Variants in ACACA observed in about 807,000 individuals in gnomAD.
The protein encoded by ACACA is acetyl-CoA carboxylase 1.
In ACACA, 103 loss-of-function variants were observed where a neutral mutation model predicts 296.1. That is an observed-to-expected ratio of 0.35 (90% CI 0.30 to 0.41). The LOEUF is 0.41. Among genes scored for constraint, ACACA ranks in the 10% least tolerant of loss-of-function variants. The pLI is 1.00. For missense variants in ACACA, 1,554 were observed against 2,989.7 expected, an observed-to-expected ratio of 0.52 and a Z score of 11.20; for synonymous variants, 953 against 1,038.6, an observed-to-expected ratio of 0.92 and a Z score of 1.58.
intron 1 of ACACA, among the ~76,000 whole-genome samples, chr17:37,377,006 C>A (rs1486045064): frequency 1.3e-5 from 2 of 151,828 alleles, no homozygotes; most frequent in African/African-American, 4.8e-5. Flanking sequence ...AGAATTAAGA[C>A]CAAATGGCAC....
In ACACA at chr17:37,243,554, T is replaced by A. The variant is rs1050474093; in HGVS notation, c.2748A>T (p.Lys916Asn). 1.2e-6 allele frequency: 2 copies of A among 1,613,776 alleles called. 1 individual carries two copies. Among genetic ancestry groups the A allele is most frequent in the South Asian group, 2.2e-5 (2 of 91,070 alleles). ...TTTTCATCAATCGCTCTACCCAGTC[T>A]TTTACCTAGAAAGAAAGCATTGGTA... ...LPDPFFSSKV[K>N]DWVERLMKTL... Residue 916 changes from lysine (K) to asparagine (N), a missense_variant, in exon 22 of 56, where the codon AAA (lysine) becomes AAT (asparagine). Lys to Asn is a moderately conservative substitution (Grantham distance 94). Transcript: ENST00000616317.
chr17:37,208,913 G>C (rs777709731), intron 30 of ACACA, among the ~76,000 whole-genome samples: 16 of 152,182 alleles, frequency 1.1e-4, no homozygotes, highest in Admixed American at 6.5e-5. Flanking sequence ...CACCACCTGC[G>C]GTGTTGCAGG....
At chr17:37,132,662 T>C (rs756428074) in intron 45 of ACACA, among the ~76,000 whole-genome samples, 2 of 152,256 alleles carry the variant, frequency 1.3e-5, no homozygotes, top group Non-Finnish European at 2.9e-5. Context: ...TGGGCCATTT[T>C]CTACTCAGAA....
intron 30 of ACACA, among the ~76,000 whole-genome samples, chr17:37,208,845 C>T (rs912777739): frequency 7.2e-5 from 11 of 152,210 alleles, no homozygotes; most frequent in African/African-American, 2.4e-4. Flanking sequence ...GAAGCAAGTT[C>T]AGGGCAAGGC....
At chr17:37,265,096 A>C (rs1326902853) in intron 10 of ACACA, among the ~76,000 whole-genome samples, 1 of 152,144 alleles carries the variant, frequency 6.6e-6, no homozygotes, top group Non-Finnish European at 1.5e-5. Context: ...CCAAGAGGGG[A>C]AGAAGCTGTA....
At chr17:37,315,149 G>C (rs568274820) in intron 3 of ACACA, among the ~76,000 whole-genome samples, 141 of 151,802 alleles carry the variant, frequency 9.3e-4, no homozygotes, top group African/African-American at 3.2e-3. Context: ...GTAGAGATGG[G>C]GTTTCTCCAT....
chr17:37,357,366 G>C (rs574433067), intron 1 of ACACA, among the ~76,000 whole-genome samples: 7 of 152,222 alleles, frequency 4.6e-5, no homozygotes, highest in African/African-American at 1.7e-4. Context: ...AGTGGCGCAC[G>C]CGTGTAATCC....
chr17:37,102,194 C>T (rs1167701007), intron 52 of ACACA, among the ~76,000 whole-genome samples: 1 of 149,176 alleles, frequency 6.7e-6, no homozygotes, highest in Non-Finnish European at 1.5e-5. Context: ...CAATGGCATC[C>T]AGCTCTTTTT....
intron 1 of ACACA, among the ~76,000 whole-genome samples, chr17:37,377,552 C>T (rs964723129): frequency 1.1e-4 from 16 of 151,978 alleles, no homozygotes; most frequent in Admixed American, 2.6e-4. Flanking sequence ...CCCAGCTACT[C>T]GGGAGGCTGA....
At chr17:37,201,842 G>A (rs996289690) in intron 33 of ACACA, among the ~76,000 whole-genome samples, 7 of 152,060 alleles carry the variant, frequency 4.6e-5, no homozygotes, top group African/African-American at 7.2e-5. Context: ...CCCCTTATAA[G>A]GAAGCACATT....
Position 37,241,195 on chromosome 17 carries a change from CA to C in ACACA, c.3033-632del, listed in dbSNP as rs906234474. Among the ~76,000 whole-genome samples the C allele has an allele frequency of 1.4e-3, 210 of 147,894 alleles. 1 individual carries two copies. Among genetic ancestry groups the C allele is most frequent in the African/African-American group, 5.1e-3 (200 of 39,514 alleles). ...GGATGACAGTGTGAGACCCTGTCTC[CA>C]AAAAAAATAAATAAATAAATAAATA... On this transcript the variant is annotated intron_variant, in intron 23 of 55. Coordinates refer to ENST00000616317, the MANE Select transcript of ACACA (RefSeq NM_198834.3).
At chr17:37,228,592 T>C (rs1187465062) in intron 25 of ACACA, among the ~76,000 whole-genome samples, 1 of 152,048 alleles carries the variant, frequency 6.6e-6, no homozygotes, top group African/African-American at 2.4e-5. Context: ...AACAGGACCA[T>C]AGAAAGACAG....
intron 1 of ACACA, among the ~76,000 whole-genome samples, chr17:37,346,326 A>AG (rs1665965152): frequency 2.7e-5 from 4 of 150,882 alleles, no homozygotes; most frequent in African/African-American, 7.3e-5. Context: ...CAAAAAAAAA[A>AG]AAAAAAGTAT....
At chr17:37,396,626 A>T (rs1304535412) in intron 1 of ACACA, among the ~76,000 whole-genome samples, 1 of 152,146 alleles carries the variant, frequency 6.6e-6, no homozygotes, top group Non-Finnish European at 1.5e-5. Context: ...TGCCCAGCAG[A>T]TTCTGACCTA....
intron 1 of ACACA, among the ~76,000 whole-genome samples, chr17:37,373,526 G>A (rs1336143109): frequency 1.3e-5 from 2 of 152,116 alleles, no homozygotes; most frequent in Non-Finnish European, 2.9e-5. Flanking sequence ...GATTACAGGT[G>A]TGAACTACCG....
chr17:37,134,259 T>C (rs1272031293), intron 45 of ACACA, among the ~76,000 whole-genome samples: 1 of 152,210 alleles, frequency 6.6e-6, no homozygotes, highest in African/African-American at 2.4e-5. Flanking sequence ...CAGCCTAATA[T>C]ACCGCCTGCT....
chr17:37,314,571 T>C (rs1017859059), intron 3 of ACACA, among the ~76,000 whole-genome samples: 2 of 152,006 alleles, frequency 1.3e-5, no homozygotes, highest in African/African-American at 4.8e-5. Context: ...GAATAACGAT[T>C]CCTGGGCTCC....
intron 3 of ACACA, among the ~76,000 whole-genome samples, chr17:37,285,551 T>C (rs968423687): frequency 1.3e-5 from 2 of 152,100 alleles, no homozygotes; most frequent in Non-Finnish European, 2.9e-5. Context: ...CAGTGGCTCA[T>C]GCCTGTAATC....
chr17:37,373,228 G>A (rs2049869881), intron 1 of ACACA, among the ~76,000 whole-genome samples: 1 of 151,974 alleles, frequency 6.6e-6, no homozygotes, highest in African/African-American at 2.4e-5. Context: ...GCCCCCGACA[G>A]TATGGCCTAC....
Sources: gnomAD v4.1 joint callset for allele counts (sites outside exome capture counted in the v4.1 genomes callset) on GRCh38, gnomAD v4.1.1 for gene constraint, MANE v1.5 for transcripts, NCBI Gene and HGNC (gene_info 2026-07-23, HGNC 2026-07-21) for gene names.